Variants in ADAM7 observed in about 807,000 individuals in gnomAD.
ADAM7 encodes the protein disintegrin and metalloproteinase domain-containing protein 7.
Under a neutral mutation model 102.9 loss-of-function variants are expected in ADAM7, and 97 were observed. The observed-to-expected ratio is 0.94, with a 90% CI of 0.80 to 1.12. The LOEUF is 1.12. Ranked by LOEUF, ADAM7 falls within the 50% of genes most tolerant of loss-of-function variation. The pLI is 0.00. For missense variants in ADAM7, 991 were observed against 908.7 expected (o/e 1.09, Z -1.16); for synonymous variants, 334 against 304.4 (o/e 1.10, Z -1.01).
At chr8:24,441,662 T>C (rs1198760761) in intron 1 of ADAM7, among the ~76,000 whole-genome samples, 2 of 152,158 alleles carry the variant, frequency 1.3e-5, no homozygotes, top group Non-Finnish European at 2.9e-5. Context: ...CAGATGACTA[T>C]CAAGGTGATA....
At position 24,463,974 on chromosome 8, in the gene ADAM7, C is replaced by A; in HGVS notation, c.312+14C>A. On this transcript the variant is annotated intron_variant, in intron 4 of 21. Coordinates refer to ENST00000175238, the MANE Select transcript of ADAM7 (RefSeq NM_003817.4). ...CCTCAGATCATGGTATCTTATGGAACTTTACTGTGTCTCTTCTCTAAAAGC... is the reference window on the plus strand; with the variant it reads ...CCTCAGATCATGGTATCTTATGGAAATTTACTGTGTCTCTTCTCTAAAAGC... The A allele has an allele frequency of 1.3e-6, 2 of 1,598,562 alleles. No individual in the cohort carries two copies. The highest frequency in any genetic ancestry group is 1.7e-6 in the Non-Finnish European group (2 of 1,166,322).
intron 6 of ADAM7, among the ~76,000 whole-genome samples, chr8:24,468,478 T>C (rs1307170206): frequency 6.6e-6 from 1 of 151,712 alleles, no homozygotes; most frequent in Non-Finnish European, 1.5e-5. Flanking sequence ...AACCCACATA[T>C]CCTGCACATG....
intron 3 of ADAM7, among the ~76,000 whole-genome samples, chr8:24,457,296 T>A (rs1162563513): frequency 2.0e-5 from 3 of 152,140 alleles, no homozygotes; most frequent in Non-Finnish European, 4.4e-5. Context: ...CGAGGAGATT[T>A]TTTTTTCCTC....
intron 8 of ADAM7, among the ~76,000 whole-genome samples, chr8:24,479,720 A>G (rs964377093): frequency 2.6e-5 from 4 of 152,058 alleles, no homozygotes; most frequent in Admixed American, 6.6e-5. Context: ...CAGTTCATCA[A>G]TGATATTTGG....
At chr8:24,468,021 G>A (rs1819486163) in intron 6 of ADAM7, among the ~76,000 whole-genome samples, 1 of 152,016 alleles carries the variant, frequency 6.6e-6, no homozygotes, top group South Asian at 2.1e-4. Context: ...AGCCAAGATT[G>A]CACCACTGCA....
intron 5 of ADAM7, 106 bp from the exon 6 acceptor site, chr8:24,466,693 T>C: frequency 1.0e-6 from 1 of 999,712 alleles, no homozygotes; most frequent in Non-Finnish European, 1.5e-6. Flanking sequence ...TACCTGTTCA[T>C]GAAGCACTGG....
intron 2 of ADAM7, 70 bp downstream of exon 2, chr8:24,442,646 A>G: frequency 8.2e-7 from 1 of 1,215,820 alleles, no homozygotes; most frequent in Non-Finnish European, 1.2e-6. Flanking sequence ...CTCTAGCTCC[A>G]ACCAGAAGCA....
At chr8:24,453,991 G>C (rs548205479) in intron 3 of ADAM7, among the ~76,000 whole-genome samples, 22 of 152,314 alleles carry the variant, frequency 1.4e-4, no homozygotes, top group Middle Eastern at 3.4e-3. Context: ...GAATGCTGCT[G>C]TCTGATCATT....
chr8:24,497,008 CCCA>C (rs1820581022), intron 16 of ADAM7, among the ~76,000 whole-genome samples: 1 of 152,106 alleles, frequency 6.6e-6, no homozygotes, highest in South Asian at 2.1e-4. Context: ...ATCTTGAATT[CCCA>C]CATTTGTGGG....
In ADAM7 at chr8:24,442,507, G is replaced by T; in HGVS notation, c.87G>T (p.Leu29=). ...TCCTTGGAGTAGAGGGTCAACAACT[G>T]GTTCGTCCTAAAAAGCTTCCTCTGA... is the stretch of plus-strand genomic sequence containing the variant. ...KFILGVEGQQ[L]VRPKKLPLIQ... is the part of the protein sequence containing the mutation. The change falls in exon 2 of 22, where the codon CTG becomes CTT. Residue 29 remains leucine (L), a synonymous_variant. Transcript: ENST00000175238. 1.2e-6 allele frequency: 2 copies of T among 1,614,046 alleles called. No individual in the cohort carries two copies. Among genetic ancestry groups the T allele is most frequent in the Admixed American group, 1.7e-5 (1 of 60,022 alleles).
chr8:24,474,715 A>G (rs1346167318), intron 7 of ADAM7, among the ~76,000 whole-genome samples: 1 of 151,988 alleles, frequency 6.6e-6, no homozygotes, highest in African/African-American at 2.4e-5. Context: ...ACACAGCAAG[A>G]CCTCATCATG....
rs73548716 is a variant in ADAM7, at chr8:24,499,414, T to G, written c.1923+98T>G. On this transcript the variant is annotated intron_variant, in intron 17 of 21. Transcript: ENST00000175238. ...CATGTATATGTATGTATATATGTATTTTTGCTGCTTTCTAAATCAAATATA... is the reference window on the plus strand; with the variant it reads ...CATGTATATGTATGTATATATGTATGTTTGCTGCTTTCTAAATCAAATATA... 7,818 of 844,492 alleles carry G rather than the reference T, an allele frequency of 9.3e-3. 438 individuals carry two copies. In the African/African-American group the frequency reaches 0.12, roughly 13 times the overall value. The allele number at this position is 844,492 out of a possible 1,614,324, so 52.3% of individuals were successfully genotyped here.
chr8:24,493,062 A>T lies in ADAM7; in HGVS notation c.1675A>T (p.Ile559Phe), dbSNP rs1820423054. ...CTTCAGAGATGTCAGATGTGGAAAGATCTACTGCACTGGAGGGGAGCTTTC... is the reference window on the plus strand; with the variant it reads ...CTTCAGAGATGTCAGATGTGGAAAGTTCTACTGCACTGGAGGGGAGCTTTC... Reference protein sequence around the residue: ...CEEKDVRCGKIYCTGGELSSL... With the variant: ...CEEKDVRCGKFYCTGGELSSL... Residue 559 changes from isoleucine to phenylalanine, a missense_variant, in exon 16 of 22, where the codon ATC (isoleucine) becomes TTC (phenylalanine). Physicochemically the swap from Ile to Phe is conservative, Grantham distance 21. Coordinates refer to ENST00000175238, the MANE Select transcript of ADAM7 (RefSeq NM_003817.4). The T allele has an allele frequency of 2.5e-6, 4 of 1,595,314 alleles. No homozygotes were observed. Among genetic ancestry groups the T allele is most frequent in the South Asian group, 1.1e-5 (1 of 87,558 alleles).
intron 19 of ADAM7, 42 bp from the exon 20 acceptor site, chr8:24,501,435 C>T: frequency 7.1e-7 from 1 of 1,416,866 alleles, no homozygotes; most frequent in South Asian, 1.2e-5. Context: ...CCTGAATAGC[C>T]CTATATCTAA....
chr8:24,443,058 G>A (rs562576627), intron 2 of ADAM7, among the ~76,000 whole-genome samples: 3 of 152,226 alleles, frequency 2.0e-5, no homozygotes, highest in African/African-American at 4.8e-5. Context: ...CAAAAGTAAC[G>A]AATGCTTATT....
In ADAM7 at chr8:24,500,793, T is replaced by C; in HGVS notation, c.2006T>C (p.Ile669Thr). 6.2e-7 allele frequency: 1 copy of C among 1,612,614 alleles called. No individual in the cohort carries two copies. The highest frequency in any genetic ancestry group is 8.5e-7 in the Non-Finnish European group (1 of 1,178,950). The stretch of plus-strand genomic sequence containing the variant: ...CCCATGTTTCTTCATGTTGCAGATA[T>C]CACCATCTTGGTTGTTGTGCTTGTC... ...ACEETLHVTNITILVVVLVLV... is the reference protein window; with the variant it reads ...ACEETLHVTNTTILVVVLVLV... The change falls in exon 19 of 22, where the codon ATC becomes ACC. Residue 669 changes from isoleucine to threonine, a missense_variant. By Grantham distance (89) the Ile-to-Thr change is moderately conservative (BLOSUM62 -1). Coordinates refer to ENST00000175238, the MANE Select transcript of ADAM7 (RefSeq NM_003817.4).
Position 24,500,871 on chromosome 8 carries a change from G to C in ADAM7, c.2084G>C (p.Cys695Ser). Reference sequence around the variant, plus strand: ...ATACTATTAGTTCGTTACCGAAAATGTATCAAGTTGAAGCAAGTTCAGAGG... The same window carrying C: ...ATACTATTAGTTCGTTACCGAAAATCTATCAAGTTGAAGCAAGTTCAGAGG... ...VLILLVRYRK[C>S]IKLKQVQSPP... The change falls in exon 19 of 22, where the codon TGT becomes TCT. Residue 695 changes from cysteine to serine, a missense_variant. Transcript: ENST00000175238. 1 of 1,612,950 alleles carries C rather than the reference G, an allele frequency of 6.2e-7. No individual in the cohort carries two copies. The highest frequency in any genetic ancestry group is 1.1e-5 in the South Asian group (1 of 90,992).
chr8:24,470,560 T>A (rs1819570572), intron 7 of ADAM7, among the ~76,000 whole-genome samples: 1 of 151,876 alleles, frequency 6.6e-6, no homozygotes, highest in South Asian at 2.1e-4. Context: ...CACATAACAA[T>A]GTTTTGGTCA....
chr8:24,468,890 G>A (rs1333601935), intron 7 of ADAM7, 70 bp downstream of exon 7: 5 of 1,394,018 alleles, frequency 3.6e-6, no homozygotes, highest in South Asian at 1.2e-5. Flanking sequence ...TTCTAGCATA[G>A]AGAGAAAGGT....
Sources: gnomAD v4.1 joint callset for allele counts (sites outside exome capture counted in the v4.1 genomes callset) on GRCh38, gnomAD v4.1.1 for gene constraint, MANE v1.5 for transcripts, NCBI Gene and HGNC (gene_info 2026-07-23, HGNC 2026-07-21) for gene names.